DYNC1LI2: variants seen among roughly 807,000 people sequenced by gnomAD.
DYNC1LI2 encodes the protein cytoplasmic dynein 1 light intermediate chain 2.
DYNC1LI2 carries 19 observed loss-of-function variants against 57.8 expected under a neutral mutation model. That is an observed-to-expected ratio of 0.33 (90% CI 0.23 to 0.48). DYNC1LI2 has a LOEUF of 0.48. Ranked by LOEUF, DYNC1LI2 falls within the 20% of genes least tolerant of loss-of-function variation. The probability of loss-of-function intolerance (pLI) is 0.99; values close to 1 mark genes in which losing one functional copy is unlikely to be tolerated. For missense variants in DYNC1LI2, 470 were observed against 604.2 expected, an observed-to-expected ratio of 0.78 and a Z score of 2.33; for synonymous variants, 256 against 233.4, an observed-to-expected ratio of 1.10 and a Z score of -0.88.
At chr16:66,750,478 T>C (rs1183676676) in intron 2 of DYNC1LI2, among the ~76,000 whole-genome samples, 1 of 152,196 alleles carries the variant, frequency 6.6e-6, no homozygotes, top group Non-Finnish European at 1.5e-5. Flanking sequence ...CCACACCCTC[T>C]TGTCATCTGT....
At position 66,751,019 on chromosome 16, in the gene DYNC1LI2, G is replaced by A. The variant is rs544587365; in HGVS notation, c.181+254C>T. Among the ~76,000 whole-genome samples the A allele has an allele frequency of 6.6e-6, 1 of 152,262 alleles. No individual in the cohort carries two copies. Among genetic ancestry groups the A allele is most frequent in the South Asian group, 2.1e-4 (1 of 4,816 alleles). On this transcript the variant is annotated intron_variant, in intron 2 of 12. Transcript: ENST00000258198. This position sits in a 1 kb window ranked among gnomAD's most constrained non-coding sequence, Gnocchi z 5.2. ...ATTTGGTAACCGTCGAGGCAATGAA[G>A]GCATAGAGGGCCAAGTGACTGAAAC...
intron 3 of DYNC1LI2, among the ~76,000 whole-genome samples, chr16:66,743,364 C>G (rs892302054): frequency 2.0e-5 from 3 of 151,910 alleles, no homozygotes; most frequent in Non-Finnish European, 4.4e-5. Flanking sequence ...GAGTTCAAGA[C>G]CGGCCTGGCC....
chr16:66,746,722 G>C (rs1266877007), intron 3 of DYNC1LI2, among the ~76,000 whole-genome samples: 1 of 152,152 alleles, frequency 6.6e-6, no homozygotes. Flanking sequence ...AAGGGTACTA[G>C]AGCTATCACC....
In DYNC1LI2 at chr16:66,742,638, T is replaced by C. The variant is rs2017861618; in HGVS notation, c.329A>G (p.Asp110Gly). The C allele has an allele frequency of 1.9e-6, 3 of 1,614,034 alleles. No homozygotes were observed. The highest frequency in any genetic ancestry group is 1.3e-5 in the African/African-American group (1 of 74,912). The change falls in exon 4 of 13, where the codon GAT (aspartate) becomes GGT (glycine). Residue 110 changes from aspartate to glycine, a missense_variant. Asp to Gly is a moderately conservative substitution (Grantham distance 94). Coordinates refer to ENST00000258198, the MANE Select transcript of DYNC1LI2 (RefSeq NM_006141.3). ...CAGGCCTTTGTGGTACAAGTCTCCA[T>C]CCAGAATCCACACGTTGCAGCGCGT... ...DHTRCNVWIL[D>G]GDLYHKGLLK...
Position 66,751,195 on chromosome 16 carries a change from A to C in DYNC1LI2, c.181+78T>G. 2.0e-6 allele frequency: 3 copies of C among 1,481,008 alleles called. No homozygotes were observed. Among genetic ancestry groups the C allele is most frequent in the Non-Finnish European group, 2.7e-6 (3 of 1,092,606 alleles). The allele number at this position is 1,481,008 out of a possible 1,614,324, so 91.7% of individuals were successfully genotyped here. A position where few individuals can be genotyped will look rare whatever the true frequency, so the allele number is the denominator to read the frequency against. On this transcript the variant is annotated intron_variant, in intron 2 of 12. Transcript: ENST00000258198. The surrounding 1 kb of genome is among the most constrained non-coding windows in gnomAD (Gnocchi z 5.2). ...CTGCGGGCAGGCGGCTGGAACGGGGAAGGCGGGGACCTGAGGGAGGGGCGC... is the reference window on the plus strand; with the variant it reads ...CTGCGGGCAGGCGGCTGGAACGGGGCAGGCGGGGACCTGAGGGAGGGGCGC...
At chr16:66,727,562 T>C in intron 11 of DYNC1LI2, 126 bp downstream of exon 11, 2 of 830,742 alleles carry the variant, frequency 2.4e-6, no homozygotes, top group Non-Finnish European at 3.7e-6. Flanking sequence ...GTAGCCCTTA[T>C]CGGGGAAGAG....
In DYNC1LI2 at chr16:66,736,214, G is replaced by C. The variant is rs1205272225; in HGVS notation, c.560C>G (p.Pro187Arg). The C allele has an allele frequency of 6.2e-7, 1 of 1,613,892 alleles. No individual in the cohort carries two copies. Among genetic ancestry groups the C allele is most frequent in the South Asian group, 1.1e-5 (1 of 91,086 alleles). ...TGGGGAACCTTGACAACCTTCTTCA[G>C]GTTCCATATAGTCTTGAAAATCTTT... The part of the protein sequence containing the change: ...FVKDFQDYME[P>R]EEGCQGSPQR... The change falls in exon 5 of 13, where the codon CCT (proline) becomes CGT (arginine). Residue 187 changes from proline to arginine, a missense_variant. By Grantham distance (103) the Pro-to-Arg change is moderately radical (BLOSUM62 -2). Coordinates refer to ENST00000258198, the MANE Select transcript of DYNC1LI2 (RefSeq NM_006141.3).
intron 3 of DYNC1LI2, among the ~76,000 whole-genome samples, chr16:66,748,302 A>C (rs1053280918): frequency 8.1e-6 from 1 of 122,734 alleles, no homozygotes; most frequent in Non-Finnish European, 1.7e-5. Flanking sequence ...AAAAAAAAAA[A>C]AAACTAACAT....
At chr16:66,727,623 C>A in intron 11 of DYNC1LI2, 65 bp downstream of exon 11, 1 of 1,528,928 alleles carries the variant, frequency 6.5e-7, no homozygotes, top group Non-Finnish European at 9.0e-7. Flanking sequence ...CCACCCAGCC[C>A]CTGCAGGGCT....
chr16:66,750,709 T>A (rs553113108), intron 2 of DYNC1LI2, among the ~76,000 whole-genome samples: 1 of 152,302 alleles, frequency 6.6e-6, no homozygotes, highest in Non-Finnish European at 1.5e-5. Context: ...ATGGACTTGC[T>A]GTGTGAATGT....
Position 66,730,109 on chromosome 16 carries a change from T to C in DYNC1LI2, c.1041+3A>G. 1 of 1,613,058 alleles carries C rather than the reference T, an allele frequency of 6.2e-7. No homozygotes were observed. The highest frequency in any genetic ancestry group is 8.5e-7 in the Non-Finnish European group (1 of 1,179,498). On this transcript the variant is annotated splice_donor_region_variant and intron_variant, in intron 8 of 12. Coordinates refer to ENST00000258198, the MANE Select transcript of DYNC1LI2 (RefSeq NM_006141.3). ...AACCCTTAAAGCAATTGTCTTTGAC[T>C]ACCTTTCTCACGGGAGGTTTCACAA...
rs148787347 is a variant in DYNC1LI2 at position 66,732,690 on chromosome 16, A to G, written c.794-216T>C. ...AAATAAATAAAAAAGTAAAAAGGTC[A>G]TAGTAGCAGATGAATGAAGTCAAAA... On this transcript the variant is annotated intron_variant, in intron 6 of 12. Transcript: ENST00000258198. 302 of 400,766 alleles carry G rather than the reference A, an allele frequency of 7.5e-4. 3 individuals are homozygous for G. Among genetic ancestry groups the G allele is most frequent in the Non-Finnish European group, 1.9e-4 (44 of 231,052 alleles). The allele number at this position is 400,766 out of a possible 1,614,324, so 24.8% of individuals were successfully genotyped here.
chr16:66,741,704 C>T (rs2017840165), intron 4 of DYNC1LI2, among the ~76,000 whole-genome samples: 1 of 151,934 alleles, frequency 6.6e-6, no homozygotes, highest in Admixed American at 6.6e-5. Context: ...GGCTCCAGCC[C>T]CTGCCCCTCC....
Position 66,722,466 on chromosome 16 carries a change from A to T in DYNC1LI2, c.*1256T>A, listed in dbSNP as rs2017464945. 1 of 152,650 alleles carries T rather than the reference A, an allele frequency of 6.6e-6. No homozygotes were observed. Among genetic ancestry groups the T allele is most frequent in the Admixed American group, 6.5e-5 (1 of 15,282 alleles). 9.5% of individuals were successfully genotyped at this position (152,650 alleles called of 1,614,324 possible). The stretch of plus-strand genomic sequence containing the variant: ...ATTTCCAGAATGGTGGTATAACATG[A>T]CAATGTGCATGAATTTGCCCTAGGT... On this transcript the variant is annotated 3_prime_UTR_variant, in exon 13 of 13. Transcript: ENST00000258198.
chr16:66,736,343 G>C, intron 4 of DYNC1LI2, 99 bp from the exon 5 acceptor site: 2 of 1,393,068 alleles, frequency 1.4e-6, no homozygotes, highest in Non-Finnish European at 9.7e-7. Flanking sequence ...ACAAAACACA[G>C]GCAGTTGTGT....
intron 12 of DYNC1LI2, among the ~76,000 whole-genome samples, chr16:66,724,993 G>A (rs888650303): frequency 5.3e-5 from 8 of 151,670 alleles, no homozygotes; most frequent in South Asian, 4.2e-4. Flanking sequence ...CCAACATGGC[G>A]AAAAACCGTC....
intron 4 of DYNC1LI2, 152 bp downstream of exon 4, chr16:66,742,286 C>G (rs2017853992): frequency 1.4e-6 from 1 of 713,634 alleles, no homozygotes; most frequent in Non-Finnish European, 2.3e-6. Context: ...CTTTTGACTA[C>G]TGAGTTTACA....
intron 11 of DYNC1LI2, among the ~76,000 whole-genome samples, chr16:66,726,468 A>G (rs529930437): frequency 7.2e-5 from 11 of 152,332 alleles, no homozygotes; most frequent in South Asian, 2.1e-4. Flanking sequence ...ATAATGAGAA[A>G]CAAAGTTACA....
At chr16:66,743,797 C>T (rs1377393475) in intron 3 of DYNC1LI2, among the ~76,000 whole-genome samples, 1 of 152,056 alleles carries the variant, frequency 6.6e-6, no homozygotes, top group Non-Finnish European at 1.5e-5. Context: ...GAGACAGAAC[C>T]TTTGTATTTA....
Sources: allele counts gnomAD v4.1 joint callset (sites outside exome capture counted in the v4.1 genomes callset), GRCh38; gene constraint gnomAD v4.1.1; non-coding constraint Gnocchi (gnomAD v3.1); transcripts MANE v1.5; gene names NCBI Gene and HGNC (gene_info 2026-07-23, HGNC 2026-07-21).